The following PIEZO1 variants were observed in gnomAD, a reference collection of about 807,000 sequenced individuals.
PIEZO1 encodes piezo-type mechanosensitive ion channel component 1.
Under a neutral mutation model 297.2 loss-of-function variants are expected in PIEZO1, and 296 were observed. That is an observed-to-expected ratio of 1.00 (90% CI 0.91 to 1.10). The LOEUF (loss-of-function observed/expected upper bound fraction) is 1.10, where lower values mean the gene tolerates loss of function less well. Among genes scored for constraint, PIEZO1 ranks in the 50% least tolerant of loss-of-function variants. The pLI, the probability that PIEZO1 is intolerant of heterozygous loss-of-function variation, is 0.00. For missense variants in PIEZO1, 5,018 were observed against 3,455.5 expected, an observed-to-expected ratio of 1.45 and a Z score of -11.34; for synonymous variants, 2,427 against 1,507.5, an observed-to-expected ratio of 1.61 and a Z score of -14.13.
At chr16:88,783,578 C>T (rs1258733748) in intron 1 of PIEZO1, among the ~76,000 whole-genome samples, 1 of 152,174 alleles carries the variant, frequency 6.6e-6, no homozygotes, top group Non-Finnish European at 1.5e-5. Context: ...TGCCTCTGTG[C>T]CAGGCTGTCC....
chr16:88,731,592 A>C, intron 22 of PIEZO1, 114 bp downstream of exon 22: 1 of 738,062 alleles, frequency 1.4e-6, no homozygotes, highest in East Asian at 2.7e-5. Context: ...GGACTGGAGG[A>C]GGCCAAGGCT....
chr16:88,716,503 G>A lies in PIEZO1; in HGVS notation c.6927-20C>T, dbSNP rs143153481. On this transcript the variant is annotated intron_variant, in intron 47 of 50. Coordinates refer to ENST00000301015, the MANE Select transcript of PIEZO1 (RefSeq NM_001142864.4). ...AGGTCCCTGGGGGTGGGAACACAGC[G>A]TGACCCACTGTAGTGGGTCCACCCA... 1.8e-4 allele frequency: 280 copies of A among 1,540,680 alleles called. No homozygotes were observed. Among genetic ancestry groups the A allele is most frequent in the African/African-American group, 1.3e-3 (97 of 73,056 alleles).
intron 1 of PIEZO1, among the ~76,000 whole-genome samples, chr16:88,776,182 C>T (rs1385436197): frequency 2.0e-5 from 3 of 152,250 alleles, no homozygotes; most frequent in African/African-American, 7.2e-5. Context: ...CGCCTGTCAT[C>T]CCAGCATTCT....
At position 88,766,217 on chromosome 16, in the gene PIEZO1, G is replaced by A. The variant is rs8048757; in HGVS notation, c.65-16738C>T. ...ATGAGATTGATTTAAATCAGCAGACGGCATGAGGGCCTCATCCAATCAGCT... is the reference window on the plus strand; with the variant it reads ...ATGAGATTGATTTAAATCAGCAGACAGCATGAGGGCCTCATCCAATCAGCT... On this transcript the variant is annotated intron_variant, in intron 1 of 50. Transcript: ENST00000301015. 1.8e-3 allele frequency among the ~76,000 whole-genome samples: 278 copies of A among 152,288 alleles called. 1 individual carries two copies. The highest frequency in any genetic ancestry group is 6.5e-3 in the African/African-American group (270 of 41,558).
In PIEZO1 at chr16:88,726,625, C is replaced by T. The variant is rs769444595; in HGVS notation, c.3718G>A (p.Val1240Met). 1.5e-5 allele frequency: 23 copies of T among 1,540,078 alleles called. No homozygotes were observed. Among genetic ancestry groups the T allele is most frequent in the African/African-American group, 4.1e-5 (3 of 72,676 alleles). The change falls in exon 26 of 51, where the codon GTG becomes ATG. Residue 1240 changes from valine to methionine, a missense_variant. Val to Met is a conservative substitution (Grantham distance 21, BLOSUM62 1). Transcript: ENST00000301015. Reference protein sequence around the residue: ...NMLSLLACVFVEQMQTGFCWV... With the variant: ...NMLSLLACVFMEQMQTGFCWV... Reference sequence around the variant, plus strand: ...CAGAAGCCGGTCTGCATCTGCTCCACGAAGACGCAGGCCAGGAGCTGGGGG... The same window carrying T: ...CAGAAGCCGGTCTGCATCTGCTCCATGAAGACGCAGGCCAGGAGCTGGGGG...
At position 88,722,652 on chromosome 16, in the gene PIEZO1, T is replaced by C. The variant is rs868395737; in HGVS notation, c.4706A>G (p.Tyr1569Cys). 3 of 1,538,478 alleles carry C rather than the reference T, an allele frequency of 1.9e-6. No homozygotes were observed. The highest frequency in any genetic ancestry group is 2.7e-5 in the African/African-American group (2 of 73,012). ...EVHRGVLDQL[Y>C]TSQAEATLPG... ...CAGCGTGGCCTCGGCCTGGCTTGTGTACAGCTGATCCAGCACGCCCCTGTG... is the reference window on the plus strand; with the variant it reads ...CAGCGTGGCCTCGGCCTGGCTTGTGCACAGCTGATCCAGCACGCCCCTGTG... The change falls in exon 35 of 51, where the codon TAC becomes TGC. Residue 1569 changes from tyrosine to cysteine, a missense_variant. Coordinates refer to ENST00000301015, the MANE Select transcript of PIEZO1 (RefSeq NM_001142864.4).
At chr16:88,778,541 G>T (rs1437307455) in intron 1 of PIEZO1, among the ~76,000 whole-genome samples, 1 of 152,220 alleles carries the variant, frequency 6.6e-6, no homozygotes, top group Non-Finnish European at 1.5e-5. Context: ...GACAACGGCG[G>T]GGAATCGGGT....
Position 88,719,953 on chromosome 16 carries a change from T to G in PIEZO1, c.6172A>C (p.Asn2058His). The G allele has an allele frequency of 6.5e-7, 1 of 1,550,234 alleles. No homozygotes were observed. The change falls in exon 43 of 51, where the codon AAC (asparagine) becomes CAC (histidine). Residue 2058 changes from asparagine (N) to histidine (H), a missense_variant. Coordinates refer to ENST00000301015, the MANE Select transcript of PIEZO1 (RefSeq NM_001142864.4). ...CAGAGCTGGGCCACCACATTCTGGT[T>G]GAACATCCTGGGGCGGGATGGCCAG... ...ILPAVTERMF[N>H]QNVVAQLWYF... is the part of the protein sequence containing the mutation.
rs545547337 is a variant in PIEZO1, at chr16:88,728,329, C to T, written c.3197-668G>A. Reference sequence around the variant, plus strand: ...AGGACTGAGGGCATGGATGTGACTCCACGCATCTGCGAAACCCACAGCCCC... The same window carrying T: ...AGGACTGAGGGCATGGATGTGACTCTACGCATCTGCGAAACCCACAGCCCC... On this transcript the variant is annotated intron_variant, in intron 22 of 50. Transcript: ENST00000301015. Among the ~76,000 whole-genome samples, 247 of 152,400 alleles carry T rather than the reference C, an allele frequency of 1.6e-3. 2 individuals are homozygous for T. Among genetic ancestry groups the T allele is most frequent in the Non-Finnish European group, 2.4e-3 (162 of 68,042 alleles).
In PIEZO1 at chr16:88,731,752, C is replaced by T. The variant is rs932494887; in HGVS notation, c.3150G>A (p.Leu1050=). The T allele has an allele frequency of 6.5e-7, 1 of 1,549,778 alleles. No individual in the cohort carries two copies. The highest frequency in any genetic ancestry group is 1.4e-5 in the African/African-American group (1 of 73,012). The stretch of plus-strand genomic sequence containing the variant: ...TCCCCAGGCACAGCAGGTACTGGTA[C>T]AGCAGGAACAGCGCCAGGAAGAGGC... The part of the protein sequence containing the change: ...NYCLFLALFL[L]YQYLLCLGMP... Residue 1050 remains leucine, a synonymous_variant, in exon 22 of 51, where the codon CTG becomes CTA. Transcript: ENST00000301015.
intron 1 of PIEZO1, among the ~76,000 whole-genome samples, 174 bp from the exon 2 acceptor site, chr16:88,749,653 C>T (rs950391417): frequency 2.6e-5 from 4 of 152,266 alleles, no homozygotes; most frequent in African/African-American, 4.8e-5. Flanking sequence ...ATCTCACACA[C>T]GCCACGACAC....
Position 88,737,924 on chromosome 16 carries a change from A to G in PIEZO1, c.1020+10T>C, listed in dbSNP as rs777867835. 20 of 1,529,516 alleles carry G rather than the reference A, an allele frequency of 1.3e-5. No individual in the cohort carries two copies. The African/African-American group carries it at 2.2e-4, about 17-fold the overall frequency. The allele number at this position is 1,529,516 out of a possible 1,614,324, so 94.7% of individuals were successfully genotyped here. ...CCTCAGCCCACCCACCATGGGTGGC[A>G]GGTGCTCACCTGGCCGGAGGGGCGG... On this transcript the variant is annotated intron_variant, in intron 8 of 50. Coordinates refer to ENST00000301015, the MANE Select transcript of PIEZO1 (RefSeq NM_001142864.4).
chr16:88,737,653 GC>G lies in PIEZO1; in HGVS notation c.1108-8del, dbSNP rs1471654519. The G allele has an allele frequency of 6.5e-7, 1 of 1,534,502 alleles. No individual in the cohort carries two copies. Among genetic ancestry groups the G allele is most frequent in the Non-Finnish European group, 8.7e-7 (1 of 1,145,998 alleles). On this transcript the variant is annotated splice_region_variant and splice_polypyrimidine_tract_variant and intron_variant, in intron 9 of 50. Transcript: ENST00000301015. Reference sequence around the variant, plus strand: ...GTGCTGTGGGCACCACGTGCTGTGGGCAAGCAGCGCTGAGCCATGCACGGGC... The same window carrying G: ...GTGCTGTGGGCACCACGTGCTGTGGGAAGCAGCGCTGAGCCATGCACGGGC...
At chr16:88,750,596 G>C (rs1452360453) in intron 1 of PIEZO1, among the ~76,000 whole-genome samples, 1 of 152,198 alleles carries the variant, frequency 6.6e-6, no homozygotes, top group African/African-American at 2.4e-5. Context: ...TCCCACCCGG[G>C]GTCTCCCTGG....
rs1026169799 is a variant in PIEZO1 at position 88,732,390 on chromosome 16, A to G, written c.2936T>C (p.Leu979Pro). 5 of 1,549,718 alleles carry G rather than the reference A, an allele frequency of 3.2e-6. No individual in the cohort carries two copies. The South Asian group carries it at 4.8e-5, about 15-fold the overall frequency. ...SGTRQQLDQD[L>P]LGCLKYFINF... The stretch of plus-strand genomic sequence containing the variant: ...GATGAAGTACTTGAGGCAGCCGAGC[A>G]GATCCTGGTCCAGCTGCTGGCGGGT... The change falls in exon 21 of 51, where the codon CTG (leucine) becomes CCG (proline). Residue 979 changes from leucine (L) to proline (P), a missense_variant. Transcript: ENST00000301015.
At position 88,738,403 on chromosome 16, in the gene PIEZO1, C is replaced by T. The variant is rs1303654156; in HGVS notation, c.672G>A (p.Leu224=). Residue 224 remains leucine (L), a synonymous_variant, in exon 7 of 51, where the codon CTG becomes CTA. Transcript: ENST00000301015. The stretch of plus-strand genomic sequence containing the variant: ...AGGTGCAGAGGGCCAGGAAGAGCAG[C>T]AGGTAGACACTGGAGAGGGCCGAGG... The part of the protein sequence containing the change: ...AHPSALSSVY[L]LLFLALCTWW... The T allele has an allele frequency of 3.3e-6, 5 of 1,535,788 alleles. No homozygotes were observed. The East Asian group carries it at 9.8e-5, about 30-fold the overall frequency.
At chr16:88,741,315 C>G (rs1905638417) in intron 5 of PIEZO1, 163 bp downstream of exon 5, 2 of 641,156 alleles carry the variant, frequency 3.1e-6, no homozygotes, top group South Asian at 4.0e-5. Flanking sequence ...GAACTGCAGG[C>G]TGGGCCCCGG....
intron 1 of PIEZO1, among the ~76,000 whole-genome samples, chr16:88,754,223 G>C (rs1457355763): frequency 1.3e-5 from 2 of 152,210 alleles, no homozygotes; most frequent in Non-Finnish European, 2.9e-5. Flanking sequence ...GGAGGGGAGA[G>C]GCTGCCCCCA....
At chr16:88,768,552 G>A (rs923630320) in intron 1 of PIEZO1, among the ~76,000 whole-genome samples, 1 of 152,236 alleles carries the variant, frequency 6.6e-6, no homozygotes, top group African/African-American at 2.4e-5. Flanking sequence ...GCGAGCAGCC[G>A]AACTCCCGGG....
Sources: allele counts gnomAD v4.1 joint callset (sites outside exome capture counted in the v4.1 genomes callset), GRCh38; gene constraint gnomAD v4.1.1; transcripts MANE v1.5; gene names NCBI Gene and HGNC (gene_info 2026-07-23, HGNC 2026-07-21).